BACE1: variants seen among roughly 807,000 people sequenced by gnomAD.
BACE1 encodes APP beta-secretase.
Under a neutral mutation model 54.0 loss-of-function variants are expected in BACE1, and 21 were observed. The observed-to-expected ratio is 0.39, with a 90% confidence interval of 0.28 to 0.56. The LOEUF (loss-of-function observed/expected upper bound fraction) is 0.56. Ranked by LOEUF, BACE1 falls within the 20% of genes least tolerant of loss-of-function variation. The pLI is 0.63. For synonymous variants in BACE1, 232 were observed against 260.9 expected, an observed-to-expected ratio of 0.89 and a Z score of 1.07; for missense variants, 511 against 661.2, an observed-to-expected ratio of 0.77 and a Z score of 2.49.
At chr11:117,299,630 C>T (rs1008623216) in intron 1 of BACE1, 3 of 388,770 alleles carry the variant, frequency 7.7e-6, no homozygotes, top group African/African-American at 4.3e-5. Context: ...ATTCCCCTCC[C>T]TGCCCCTCTT....
chr11:117,295,273 C>G lies in BACE1; in HGVS notation c.425G>C (p.Gly142Ala). Residue 142 changes from glycine to alanine, a missense_variant, in exon 3 of 9, where the codon GGC (glycine) becomes GCC (alanine). Around this residue, in one of 2 missense-constraint regions of BACE1, gnomAD observed 407 missense variants for 565.7 expected, o/e 0.72. Coordinates refer to ENST00000313005, the MANE Select transcript of BACE1 (RefSeq NM_012104.6). ...YTQGKWEGEL[G>A]TDLVSIPHGP... ...ATGGGGGATGCTTACCAGGTCGGTGCCCAGCTCCCCTTCCCACTTGCCCTG... is the reference window on the plus strand; with the variant it reads ...ATGGGGGATGCTTACCAGGTCGGTGGCCAGCTCCCCTTCCCACTTGCCCTG... The G allele has an allele frequency of 6.2e-7, 1 of 1,614,214 alleles. No individual in the cohort carries two copies. The highest frequency in any genetic ancestry group is 1.1e-5 in the South Asian group (1 of 91,086).
At chr11:117,298,208 A>T (rs1323017087) in intron 1 of BACE1, among the ~76,000 whole-genome samples, 1 of 152,146 alleles carries the variant, frequency 6.6e-6, no homozygotes, top group African/African-American at 2.4e-5. Flanking sequence ...AGGCTGAGGC[A>T]GGAGAATCAC....
In BACE1 at chr11:117,289,335, A is replaced by T; in HGVS notation, c.*231T>A. 1.7e-6 allele frequency: 1 copy of T among 588,024 alleles called. No homozygotes were observed. Among genetic ancestry groups the T allele is most frequent in the Non-Finnish European group, 2.8e-6 (1 of 354,556 alleles). 36.4% of individuals were successfully genotyped at this position (588,024 alleles called of 1,614,324 possible). On this transcript the variant is annotated 3_prime_UTR_variant, in exon 9 of 9. Coordinates refer to ENST00000313005, the MANE Select transcript of BACE1 (RefSeq NM_012104.6). ...ACTTAAATTTGAGGTGACCAAGAGT[A>T]TTCCCGCCAGCAGAGTGCTTCTTTC...
At chr11:117,294,726 A>G (rs372483365) in intron 3 of BACE1, among the ~76,000 whole-genome samples, 15 of 151,878 alleles carry the variant, frequency 9.9e-5, no homozygotes, top group Admixed American at 7.9e-4. Flanking sequence ...TCTACTAAAA[A>G]TAGAAAAAAT....
At chr11:117,312,106 A>G (rs1025937701) in intron 1 of BACE1, among the ~76,000 whole-genome samples, 2 of 152,088 alleles carry the variant, frequency 1.3e-5, no homozygotes, top group Admixed American at 6.6e-5. Context: ...TATTTACCCA[A>G]ACTTATCTGG....
Position 117,293,331 on chromosome 11 carries a change from A to T in BACE1, c.706-143T>A. On this transcript the variant is annotated intron_variant, in intron 4 of 8. Coordinates refer to ENST00000313005, the MANE Select transcript of BACE1 (RefSeq NM_012104.6). The surrounding 1 kb of genome is among the most constrained non-coding windows in gnomAD (Gnocchi z 4.1). Reference sequence around the variant, plus strand: ...CTTTTCATCTTCCTGCTTCTAAACAAATCATACCCAAAGTGATTTCTAGTT... The same window carrying T: ...CTTTTCATCTTCCTGCTTCTAAACATATCATACCCAAAGTGATTTCTAGTT... 1 of 757,538 alleles carries T rather than the reference A, an allele frequency of 1.3e-6. No individual in the cohort carries two copies. Among genetic ancestry groups the T allele is most frequent in the Non-Finnish European group, 2.0e-6 (1 of 490,378 alleles). 46.9% of individuals were successfully genotyped at this position (757,538 alleles called of 1,614,324 possible).
chr11:117,293,481 T>C lies in BACE1; in HGVS notation c.706-293A>G. On this transcript the variant is annotated intron_variant, in intron 4 of 8. Transcript: ENST00000313005. The surrounding 1 kb of genome is among the most constrained non-coding windows in gnomAD (Gnocchi z 4.1). ...ACAATAAATGTTGAATGAATGGTTA[T>C]TTGTTTATATTATAAGTTTTATTTT... The C allele has an allele frequency of 3.4e-6, 1 of 296,946 alleles. No homozygotes were observed. Among genetic ancestry groups the C allele is most frequent in the Non-Finnish European group, 6.1e-6 (1 of 164,134 alleles). 18.4% of individuals were successfully genotyped at this position (296,946 alleles called of 1,614,324 possible).
At chr11:117,307,888 G>A (rs560835293) in intron 1 of BACE1, among the ~76,000 whole-genome samples, 3 of 152,284 alleles carry the variant, frequency 2.0e-5, no homozygotes, top group South Asian at 2.1e-4. Context: ...TTATGGAGCC[G>A]GGGTCTTGCT....
In BACE1 at chr11:117,286,537, C is replaced by G. The variant is rs1380910305; in HGVS notation, c.*3029G>C. The stretch of plus-strand genomic sequence containing the variant: ...GCTGATTTTTTTTTCCATTCTGGGA[C>G]CTAAAATGCTTACAGGTACTAGCAG... On this transcript the variant is annotated 3_prime_UTR_variant, in exon 9 of 9. Coordinates refer to ENST00000313005, the MANE Select transcript of BACE1 (RefSeq NM_012104.6). 1 of 152,514 alleles carries G rather than the reference C, an allele frequency of 6.6e-6. No homozygotes were observed. Among genetic ancestry groups the G allele is most frequent in the Non-Finnish European group, 1.5e-5 (1 of 68,020 alleles). 9.4% of individuals were successfully genotyped at this position (152,514 alleles called of 1,614,324 possible).
intron 1 of BACE1, among the ~76,000 whole-genome samples, chr11:117,302,957 G>A (rs570370271): frequency 3.3e-5 from 5 of 152,250 alleles, no homozygotes; most frequent in East Asian, 1.9e-4. Flanking sequence ...CCCTCATATC[G>A]AATTTAAAAC....
In BACE1 at chr11:117,315,949, C is replaced by G; in HGVS notation, c.-154G>C. 1.2e-6 allele frequency: 1 copy of G among 826,786 alleles called. No individual in the cohort carries two copies. Among genetic ancestry groups the G allele is most frequent in the Non-Finnish European group, 1.7e-6 (1 of 586,926 alleles). 51.2% of individuals were successfully genotyped at this position (826,786 alleles called of 1,614,324 possible). On this transcript the variant is annotated 5_prime_UTR_variant, in exon 1 of 9. Coordinates refer to ENST00000313005, the MANE Select transcript of BACE1 (RefSeq NM_012104.6). The surrounding 1 kb of genome is among the most constrained non-coding windows in gnomAD (Gnocchi z 5.5). ...GCCTGCAGGGCCCTGGGCCAGCCCC[C>G]GGGTCCGGGCTGTGGAGAGCGGTCA...
chr11:117,294,152 G>T, intron 3 of BACE1, 144 bp from the exon 4 acceptor site: 1 of 875,912 alleles, frequency 1.1e-6, no homozygotes, highest in Non-Finnish European at 1.7e-6. Context: ...ATTTGGCAGA[G>T]GAAGGGTTAG....
At chr11:117,297,157 GGGGCCAAAGGA>G in intron 1 of BACE1, 196 bp from the exon 2 acceptor site, 2 of 540,220 alleles carry the variant, frequency 3.7e-6, no homozygotes, top group Non-Finnish European at 6.5e-6. Context: ...TGGTGCTGCA[GGGGCCAAAGGA>G]ACACTTCCCC....
chr11:117,315,906 G>C lies in BACE1; in HGVS notation c.-111C>G, dbSNP rs2035105369. 1.6e-6 allele frequency: 2 copies of C among 1,269,942 alleles called. No individual in the cohort carries two copies. Among genetic ancestry groups the C allele is most frequent in the Non-Finnish European group, 2.0e-6 (2 of 984,032 alleles). The allele number at this position is 1,269,942 out of a possible 1,614,324, so 78.7% of individuals were successfully genotyped here. On this transcript the variant is annotated 5_prime_UTR_variant, in exon 1 of 9. Coordinates refer to ENST00000313005, the MANE Select transcript of BACE1 (RefSeq NM_012104.6). The surrounding 1 kb of genome is among the most constrained non-coding windows in gnomAD (Gnocchi z 5.5). ...TGGCTTCTCAGGAGAGGGAGCTTGG[G>C]GGCATCAGGACGCCAGGGCCTGCAG...
chr11:117,299,805 A>C, intron 1 of BACE1: 1 of 267,378 alleles, frequency 3.7e-6, no homozygotes. Context: ...CTCCCCACGA[A>C]CCCTCTTCCC....
At chr11:117,309,161 C>T (rs1469158118) in intron 1 of BACE1, among the ~76,000 whole-genome samples, 1 of 152,082 alleles carries the variant, frequency 6.6e-6, no homozygotes, top group Non-Finnish European at 1.5e-5. Context: ...TGCCACCATC[C>T]TCTTTCAGGC....
At chr11:117,300,218 C>A (rs1010478274) in intron 1 of BACE1, among the ~76,000 whole-genome samples, 2 of 152,144 alleles carry the variant, frequency 1.3e-5, no homozygotes, top group African/African-American at 4.8e-5. Context: ...TCACCCACCC[C>A]AATACTACGA....
intron 1 of BACE1, among the ~76,000 whole-genome samples, chr11:117,309,972 A>C (rs1328246247): frequency 6.6e-6 from 1 of 151,096 alleles, no homozygotes; most frequent in South Asian, 2.1e-4. Flanking sequence ...GCAGTGGCGC[A>C]ATCTCGGCTC....
In BACE1 at chr11:117,289,418, C is replaced by A; in HGVS notation, c.*148G>T. 7.3e-7 allele frequency: 1 copy of A among 1,367,014 alleles called. No homozygotes were observed. 84.7% of individuals were successfully genotyped at this position (1,367,014 alleles called of 1,614,324 possible). ...TGGAACCCACCTTGCCAGCCTTTTCCTTCTCCATCAAGGCAGAGGCATTTG... is the reference window on the plus strand; with the variant it reads ...TGGAACCCACCTTGCCAGCCTTTTCATTCTCCATCAAGGCAGAGGCATTTG... On this transcript the variant is annotated 3_prime_UTR_variant, in exon 9 of 9. Transcript: ENST00000313005.
Sources: gnomAD v4.1 joint callset for allele counts (sites outside exome capture counted in the v4.1 genomes callset) on GRCh38, gnomAD v4.1.1 for gene constraint, gnomAD v4.1.1 regional missense constraint, Gnocchi (gnomAD v3.1) non-coding constraint, MANE v1.5 for transcripts, NCBI Gene and HGNC (gene_info 2026-07-23, HGNC 2026-07-21) for gene names.